The following PAK1 variants were observed in gnomAD, a reference collection of about 807,000 sequenced individuals.
PAK1 encodes the protein p21 (RAC1) activated kinase 1.
Under a neutral mutation model 67.4 loss-of-function variants are expected in PAK1, and 29 were observed. The ratio of observed to expected loss-of-function variants is 0.43; its 90% CI spans 0.32 to 0.59. The LOEUF (loss-of-function observed/expected upper bound fraction) is 0.59. Among genes scored for constraint, PAK1 ranks in the 20% least tolerant of loss-of-function variants. The probability of loss-of-function intolerance (pLI) is 0.07; values close to 1 mark genes in which losing one functional copy is unlikely to be tolerated. For synonymous variants in PAK1, 223 were observed against 237.4 expected, an observed-to-expected ratio of 0.94 and a Z score of 0.56; for missense variants, 337 against 670.7, an observed-to-expected ratio of 0.50 and a Z score of 5.50.
intron 1 of PAK1, among the ~76,000 whole-genome samples, chr11:77,429,250 GCCAAA>G (rs1407707950): frequency 6.6e-6 from 1 of 151,782 alleles, no homozygotes; most frequent in African/African-American, 2.4e-5. Context: ...GCTCCTACTG[GCCAAA>G]CCAAAGAGAA....
At chr11:77,432,546 T>G (rs1458939382) in intron 1 of PAK1, among the ~76,000 whole-genome samples, 1 of 152,196 alleles carries the variant, frequency 6.6e-6, no homozygotes, top group Non-Finnish European at 1.5e-5. Flanking sequence ...TAGTCTCAGC[T>G]AATCAGGAGG....
chr11:77,413,816 A>T (rs1954798200), intron 1 of PAK1, among the ~76,000 whole-genome samples: 1 of 152,224 alleles, frequency 6.6e-6, no homozygotes, highest in African/African-American at 2.4e-5. Context: ...AGTCATTTTA[A>T]GACTTTTTTT....
chr11:77,420,985 CATTCTTGCCTCCCAGGGTG>C (rs1453038272), intron 1 of PAK1, among the ~76,000 whole-genome samples: 1 of 152,174 alleles, frequency 6.6e-6, no homozygotes, highest in East Asian at 1.9e-4. Flanking sequence ...TTAACTGATC[CATTCTTGCCTCCCAGGGTG>C]ATCTATTTAA....
intron 1 of PAK1, among the ~76,000 whole-genome samples, chr11:77,405,468 T>C (rs554484513): frequency 2.0e-5 from 3 of 152,048 alleles, no homozygotes; most frequent in African/African-American, 7.2e-5. Context: ...GCTTAGATGA[T>C]TGGCAATAGG....
At chr11:77,429,117 C>CCTTGGCT (rs1955741184) in intron 1 of PAK1, among the ~76,000 whole-genome samples, 1 of 118,318 alleles carries the variant, frequency 8.5e-6, no homozygotes, top group Admixed American at 1.1e-4. Context: ...CATCAGGATT[C>CCTTGGCT]CTTGGCTGGT....
rs115950800 is a variant in PAK1 at position 77,471,486 on chromosome 11, G to A, written c.-22+2066C>T. Among the ~76,000 whole-genome samples the A allele has an allele frequency of 3.7e-3, 568 of 152,286 alleles. 5 individuals are homozygous for A. The highest frequency in any genetic ancestry group is 0.013 in the African/African-American group (529 of 41,532). On this transcript the variant is annotated intron_variant, in intron 1 of 14. Transcript: ENST00000356341. ...ATGGAAGAGCAACTCATTCTATGCA[G>A]GAAAAGGAGAGACTAAGGGACTGCA... is the stretch of plus-strand genomic sequence containing the variant.
intron 7 of PAK1, among the ~76,000 whole-genome samples, chr11:77,354,205 G>T (rs1945687468): frequency 6.6e-6 from 1 of 152,090 alleles, no homozygotes; most frequent in Non-Finnish European, 1.5e-5. Flanking sequence ...TTTATAACTT[G>T]TATTTTAGAG....
At chr11:77,406,119 C>T (rs929472152) in intron 1 of PAK1, among the ~76,000 whole-genome samples, 6 of 152,140 alleles carry the variant, frequency 3.9e-5, no homozygotes, top group African/African-American at 1.2e-4. Flanking sequence ...CTTCCTTGCT[C>T]GGAACCTTCC....
chr11:77,382,711 G>C (rs926650073), intron 2 of PAK1, among the ~76,000 whole-genome samples: 1 of 152,064 alleles, frequency 6.6e-6, no homozygotes, highest in Non-Finnish European at 1.5e-5. Flanking sequence ...AAAATATTAG[G>C]GAATGGCCGG....
chr11:77,326,629 T>C (rs1939949038), intron 14 of PAK1, among the ~76,000 whole-genome samples: 2 of 152,276 alleles, frequency 1.3e-5, no homozygotes, highest in African/African-American at 4.8e-5. Flanking sequence ...GAGGCTACAG[T>C]GAGCCATGAT....
At chr11:77,452,443 T>C (rs1956900211) in intron 1 of PAK1, among the ~76,000 whole-genome samples, 1 of 152,174 alleles carries the variant, frequency 6.6e-6, no homozygotes, top group Non-Finnish European at 1.5e-5. Context: ...CTTGACTCTG[T>C]AACTAACTTA....
chr11:77,483,197 C>CA, the PAK1 span, among the ~76,000 whole-genome samples: 35,389 of 101,788 alleles, frequency 0.35, 5,213 homozygotes, highest in South Asian at 0.51. Context: ...GACTCCATCT[C>CA]AAAAAAAAAA....
At chr11:77,341,987 G>C (rs1199066708) in intron 10 of PAK1, among the ~76,000 whole-genome samples, 1 of 152,154 alleles carries the variant, frequency 6.6e-6, no homozygotes, top group African/African-American at 2.4e-5. Flanking sequence ...ATGGGGATTT[G>C]AACTGCTATG....
the PAK1 span, among the ~76,000 whole-genome samples, chr11:77,524,864 G>C: frequency 6.6e-6 from 1 of 152,176 alleles, no homozygotes; most frequent in African/African-American, 2.4e-5. Context: ...AAAATTACCT[G>C]TCAAAGAAAA....
chr11:77,419,917 A>C (rs1453139338), intron 1 of PAK1, among the ~76,000 whole-genome samples: 5 of 152,222 alleles, frequency 3.3e-5, no homozygotes, highest in Non-Finnish European at 7.3e-5. Context: ...AAAATAAATA[A>C]TAATAGTAGC....
rs998582658 is a variant in PAK1 at position 77,473,859 on chromosome 11, C to A, written c.-329G>T. ...GGTAACTGGATGCGGAGACCAGGTT[C>A]CTCGAGGGGGCTCACGAAAGCGCGG... On this transcript the variant is annotated 5_prime_UTR_variant, in exon 1 of 15. Transcript: ENST00000356341. The A allele has an allele frequency of 6.6e-6, 1 of 151,952 alleles. No individual in the cohort carries two copies. Among genetic ancestry groups the A allele is most frequent in the Non-Finnish European group, 1.5e-5 (1 of 68,330 alleles). 9.4% of individuals were successfully genotyped at this position (151,952 alleles called of 1,614,324 possible). A position where few individuals can be genotyped will look rare whatever the true frequency, so the allele number is the denominator to read the frequency against.
intron 4 of PAK1, among the ~76,000 whole-genome samples, chr11:77,378,867 C>T (rs915953189): frequency 3.1e-4 from 47 of 152,164 alleles, no homozygotes; most frequent in Non-Finnish European, 1.3e-4. Flanking sequence ...GGATTACAGG[C>T]GTGAGGCACT....
the PAK1 span, among the ~76,000 whole-genome samples, chr11:77,496,096 G>A: frequency 1.3e-5 from 2 of 149,120 alleles, no homozygotes; most frequent in African/African-American, 5.0e-5. Flanking sequence ...TCGGCTCACT[G>A]CAACCTCCGC....
At chr11:77,330,436 G>A (rs1831358121) in intron 14 of PAK1, among the ~76,000 whole-genome samples, 1 of 152,052 alleles carries the variant, frequency 6.6e-6, no homozygotes, top group Non-Finnish European at 1.5e-5. Flanking sequence ...CCAAAACAGA[G>A]ATATAGACCA....
Sources: gnomAD v4.1 joint callset for allele counts (sites outside exome capture counted in the v4.1 genomes callset) on GRCh38, gnomAD v4.1.1 for gene constraint, MANE v1.5 for transcripts, NCBI Gene and HGNC (gene_info 2026-07-23, HGNC 2026-07-21) for gene names.